Variants in GBP1 observed in about 807,000 individuals in gnomAD.
GBP1 encodes guanylate binding protein 1.
In GBP1, 64 loss-of-function variants were observed where a neutral mutation model predicts 69.5. That is an observed-to-expected ratio of 0.92 (90% CI 0.75 to 1.13). The LOEUF is 1.13. GBP1 is among the 50% of genes most tolerant of loss of function. The pLI is 0.00. For synonymous variants in GBP1, 250 were observed against 261.2 expected (o/e 0.96, Z 0.41); for missense variants, 630 against 704.1 (o/e 0.89, Z 1.19).
intron 2 of GBP1, 82 bp downstream of exon 2, chr1:89,062,963 T>C: frequency 6.5e-7 from 1 of 1,539,044 alleles, no homozygotes; most frequent in South Asian, 1.1e-5. Context: ...CTCATCTCTT[T>C]CTCTCCTCAC....
chr1:89,061,875 T>A (rs981182955), intron 2 of GBP1, among the ~76,000 whole-genome samples: 1 of 151,878 alleles, frequency 6.6e-6, no homozygotes, highest in South Asian at 2.1e-4. Context: ...AAAGAAGATA[T>A]ACAAGTGGCC....
chr1:89,058,767 A>G, intron 5 of GBP1, 74 bp downstream of exon 5: 2 of 1,523,938 alleles, frequency 1.3e-6, no homozygotes, highest in South Asian at 1.1e-5. Flanking sequence ...CTGGAAAACT[A>G]GCAATAGTAA....
chr1:89,056,300 A>G, intron 7 of GBP1, 72 bp from the exon 8 acceptor site: 1 of 1,610,640 alleles, frequency 6.2e-7, no homozygotes, highest in Non-Finnish European at 8.5e-7. Context: ...AATTTTGGGA[A>G]CGATTTCTGA....
intron 5 of GBP1, 137 bp from the exon 6 acceptor site, chr1:89,058,371 A>T (rs1680098441): frequency 1.4e-6 from 1 of 729,064 alleles, no homozygotes; most frequent in Non-Finnish European, 2.2e-6. Flanking sequence ...AAGCATGACA[A>T]CAGCTTTAGA....
chr1:89,063,123 T>C lies in GBP1; in HGVS notation c.112A>G (p.Met38Val), dbSNP rs762893702. 10 of 1,613,964 alleles carry C rather than the reference T, an allele frequency of 6.2e-6. No individual in the cohort carries two copies. The highest frequency in any genetic ancestry group is 5.0e-5 in the Admixed American group (3 of 59,980). Residue 38 changes from methionine (M) to valine (V), a missense_variant, in exon 2 of 11, where the codon ATG (methionine) becomes GTG (valine). Physicochemically the swap from Met to Val is conservative, Grantham distance 21. Around this residue, in one of 5 missense-constraint regions of GBP1, gnomAD observed 131 missense variants for 138.5 expected, o/e 0.95. Coordinates refer to ENST00000370473, the MANE Select transcript of GBP1 (RefSeq NM_002053.3). ...AGGCCCACAATTGCCACCACCACCATAGGCTGTGTAATGGCAGAAAGGATC... is the reference window on the plus strand; with the variant it reads ...AGGCCCACAATTGCCACCACCACCACAGGCTGTGTAATGGCAGAAAGGATC... ...LKILSAITQP[M>V]VVVAIVGLYR...
At position 89,063,066 on chromosome 1, in the gene GBP1, T is replaced by C; in HGVS notation, c.169A>G (p.Lys57Glu). The change falls in exon 2 of 11, where the codon AAG (lysine) becomes GAG (glutamate). Residue 57 changes from lysine (K) to glutamate (E), a missense_variant. Physicochemically the swap from Lys to Glu is moderately conservative, Grantham distance 56. Around this residue, in one of 5 missense-constraint regions of GBP1, gnomAD observed 131 missense variants for 138.5 expected, o/e 0.95. Coordinates refer to ENST00000370473, the MANE Select transcript of GBP1 (RefSeq NM_002053.3). Reference protein sequence around the residue: ...YRTGKSYLMNKLAGKKKGFSL... With the variant: ...YRTGKSYLMNELAGKKKGFSL... ...TCACCCTTTTTCTTTCCAGCCAGCTTGTTCATCAGGTAGGATTTGCCTGTG... is the reference window on the plus strand; with the variant it reads ...TCACCCTTTTTCTTTCCAGCCAGCTCGTTCATCAGGTAGGATTTGCCTGTG... 6.2e-7 allele frequency: 1 copy of C among 1,614,048 alleles called. No homozygotes were observed. The highest frequency in any genetic ancestry group is 8.5e-7 in the Non-Finnish European group (1 of 1,179,928).
In GBP1 at chr1:89,059,369, A is replaced by G. The variant is rs772269310; in HGVS notation, c.376T>C (p.Phe126Leu). 9 of 1,613,964 alleles carry G rather than the reference A, an allele frequency of 5.6e-6. No individual in the cohort carries two copies. Among genetic ancestry groups the G allele is most frequent in the Non-Finnish European group, 4.2e-6 (5 of 1,180,012 alleles). Residue 126 changes from phenylalanine (F) to leucine (L), a missense_variant, in exon 4 of 11, where the codon TTC becomes CTC. Physicochemically the swap from Phe to Leu is conservative, Grantham distance 22. Transcript: ENST00000370473. Reference sequence around the variant, plus strand: ...ATGGTTCCTATGCTATTGTACACGAAGGTGCTGCTCAGGAGGACGGCCAGG... The same window carrying G: ...ATGGTTCCTATGCTATTGTACACGAGGGTGCTGCTCAGGAGGACGGCCAGG... The part of the protein sequence containing the change: ...FALAVLLSST[F>L]VYNSIGTINQ...
chr1:89,059,510 T>C (rs933734852), intron 3 of GBP1, 84 bp from the exon 4 acceptor site: 1 of 1,391,608 alleles, frequency 7.2e-7, no homozygotes, highest in Non-Finnish European at 9.8e-7. Flanking sequence ...ACTATGTTCA[T>C]ATGTTAGAGG....
At chr1:89,062,047 T>C (rs1352186190) in intron 2 of GBP1, among the ~76,000 whole-genome samples, 1 of 151,938 alleles carries the variant, frequency 6.6e-6, no homozygotes, top group African/African-American at 2.4e-5. Context: ...ATTAGAACCC[T>C]TGTGCATTTC....
intron 8 of GBP1, chr1:89,055,431 A>G: frequency 1.7e-6 from 1 of 574,984 alleles, no homozygotes; most frequent in Non-Finnish European, 3.0e-6. Flanking sequence ...TAATATAGAT[A>G]CTGGGAAAAG....
chr1:89,062,923 TGAATG>T, intron 2 of GBP1, 117 bp downstream of exon 2: 1 of 1,217,280 alleles, frequency 8.2e-7, no homozygotes, highest in Non-Finnish European at 1.2e-6. Context: ...AGCCCGACTG[TGAATG>T]GAAAGTTAGC....
At chr1:89,060,048 T>C (rs1399485722) in intron 3 of GBP1, 149 bp downstream of exon 3, 5 of 694,228 alleles carry the variant, frequency 7.2e-6, no homozygotes, top group Non-Finnish European at 1.1e-5. Context: ...ATAAGACTTA[T>C]GACACTGGGA....
chr1:89,054,983 A>C (rs970999692), intron 9 of GBP1, 108 bp from the exon 10 acceptor site: 1 of 1,424,236 alleles, frequency 7.0e-7, no homozygotes, highest in African/African-American at 1.4e-5. Flanking sequence ...CCCTACTCAG[A>C]GATGACCTCG....
rs1419994172 is a variant in GBP1 at position 89,052,973 on chromosome 1, A to G, written c.*382T>C. On this transcript the variant is annotated 3_prime_UTR_variant, in exon 11 of 11. Coordinates refer to ENST00000370473, the MANE Select transcript of GBP1 (RefSeq NM_002053.3). ...TGTACATTGTCTTCACTAAGAAGCT[A>G]GGGTGGTTGTCCTTGATATTGGGAC... 1.2e-5 allele frequency: 2 copies of G among 168,066 alleles called. No individual in the cohort carries two copies. The highest frequency in any genetic ancestry group is 4.8e-5 in the African/African-American group (2 of 41,800). 10.4% of individuals were successfully genotyped at this position (168,066 alleles called of 1,614,324 possible).
At position 89,058,937 on chromosome 1, in the gene GBP1, C is replaced by G. The variant is rs1232785090; in HGVS notation, c.535G>C (p.Val179Leu). ...ADFVSFFPDF[V>L]WTLRDFSLDL... Reference sequence around the variant, plus strand: ...AGGGAGAAATCTCTCAGTGTCCACACAAAGTCTGGGAAGAAGCTCACAAAG... The same window carrying G: ...AGGGAGAAATCTCTCAGTGTCCACAGAAAGTCTGGGAAGAAGCTCACAAAG... Residue 179 changes from valine to leucine, a missense_variant, in exon 5 of 11, where the codon GTG becomes CTG. Coordinates refer to ENST00000370473, the MANE Select transcript of GBP1 (RefSeq NM_002053.3). 5.0e-6 allele frequency: 8 copies of G among 1,614,096 alleles called. No individual in the cohort carries two copies. Among genetic ancestry groups the G allele is most frequent in the Non-Finnish European group, 6.8e-6 (8 of 1,180,050 alleles).
rs1048671 is a variant in GBP1 at position 89,052,735 on chromosome 1, G to T, written c.*620C>A. On this transcript the variant is annotated 3_prime_UTR_variant, in exon 11 of 11. Coordinates refer to ENST00000370473, the MANE Select transcript of GBP1 (RefSeq NM_002053.3). ...AATCTGGATGAACTGAACAATAAGA[G>T]AAGTTTTCTTCATTAGCCCAATTGT... 6.6e-6 allele frequency: 1 copy of T among 152,200 alleles called. No homozygotes were observed. Among genetic ancestry groups the T allele is most frequent in the African/African-American group, 2.4e-5 (1 of 41,442 alleles). 9.4% of individuals were successfully genotyped at this position (152,200 alleles called of 1,614,324 possible).
At chr1:89,054,275 T>G (rs1679987357) in intron 10 of GBP1, among the ~76,000 whole-genome samples, 1 of 152,172 alleles carries the variant, frequency 6.6e-6, no homozygotes, top group Non-Finnish European at 1.5e-5. Flanking sequence ...AAATTTTTTG[T>G]ATTTTTAGTA....
chr1:89,064,240 T>TGTGTGAGAGA (rs1243424526), intron 1 of GBP1, among the ~76,000 whole-genome samples: 3 of 100,008 alleles, frequency 3.0e-5, no homozygotes, highest in African/African-American at 8.3e-5. Flanking sequence ...TGTGTGTGTG[T>TGTGTGAGAGA]GAGAGAGAGA....
At position 89,058,147 on chromosome 1, in the gene GBP1, C is replaced by T. The variant is rs576498400; in HGVS notation, c.719G>A (p.Arg240Gln). The T allele has an allele frequency of 3.5e-5, 56 of 1,613,838 alleles. No individual in the cohort carries two copies. The highest frequency in any genetic ancestry group is 2.2e-4 in the South Asian group (20 of 91,064). Reference sequence around the variant, plus strand: ...GGCAAGCTTCCTGCGGTGAACGGGCCGATCAAAGACAAAGCATTTTTTCTT... The same window carrying T: ...GGCAAGCTTCCTGCGGTGAACGGGCTGATCAAAGACAAAGCATTTTTTCTT... Reference protein sequence around the residue: ...FPKKKCFVFDRPVHRRKLAQL... With the variant: ...FPKKKCFVFDQPVHRRKLAQL... Residue 240 changes from arginine (R) to glutamine (Q), a missense_variant, in exon 6 of 11, where the codon CGG (arginine) becomes CAG (glutamine). Around this residue, in one of 5 missense-constraint regions of GBP1, gnomAD observed 367 missense variants for 369.5 expected, o/e 0.99. Coordinates refer to ENST00000370473, the MANE Select transcript of GBP1 (RefSeq NM_002053.3).
Sources: gnomAD v4.1 joint callset for allele counts (sites outside exome capture counted in the v4.1 genomes callset) on GRCh38, gnomAD v4.1.1 for gene constraint, gnomAD v4.1.1 regional missense constraint, MANE v1.5 for transcripts, NCBI Gene and HGNC (gene_info 2026-07-23, HGNC 2026-07-21) for gene names.